The following MALRD1 variants were observed in gnomAD, a reference collection of about 807,000 sequenced individuals.
MALRD1 encodes MAM and LDL receptor class A domain containing 1, also known as MAM and LDL-receptor class A domain-containing protein 1.
MALRD1 carries 247 observed loss-of-function variants against 242.1 expected under a neutral mutation model. The observed-to-expected ratio is 1.02, with a 90% CI of 0.92 to 1.13. The LOEUF (loss-of-function observed/expected upper bound fraction) is 1.13, where lower values mean the gene tolerates loss of function less well. MALRD1 is among the 50% of genes most tolerant of loss of function. MALRD1 has a pLI of 0.00. For missense variants in MALRD1, 2,989 were observed against 2,533.1 expected (o/e 1.18, Z -3.86); for synonymous variants, 995 against 866.6 (o/e 1.15, Z -2.60).
At chr10:19,238,264 T>A (rs184142148) in intron 18 of MALRD1, among the ~76,000 whole-genome samples, 1 of 66,058 alleles carries the variant, frequency 1.5e-5, no homozygotes, top group African/African-American at 5.7e-5. Context: ...ATAATATATA[T>A]TATATATAAT....
At chr10:19,253,583 T>A (rs900877770) in intron 18 of MALRD1, among the ~76,000 whole-genome samples, 1 of 151,916 alleles carries the variant, frequency 6.6e-6, no homozygotes, top group Non-Finnish European at 1.5e-5. Context: ...TGTATACACA[T>A]CTTTCACAGC....
At chr10:19,354,815 T>C (rs1388561601) in intron 26 of MALRD1, among the ~76,000 whole-genome samples, 3 of 152,172 alleles carry the variant, frequency 2.0e-5, no homozygotes, top group Non-Finnish European at 4.4e-5. Context: ...ATTACCCTGA[T>C]TTGATCATTA....
At chr10:19,660,328 T>C (rs1841369298) in intron 36 of MALRD1, among the ~76,000 whole-genome samples, 1 of 152,206 alleles carries the variant, frequency 6.6e-6, no homozygotes, top group African/African-American at 2.4e-5. Context: ...CACAATTTAA[T>C]TGAAAATGTG....
chr10:19,059,699 C>T (rs561378751), intron 1 of MALRD1, among the ~76,000 whole-genome samples: 1 of 151,608 alleles, frequency 6.6e-6, no homozygotes, highest in East Asian at 1.9e-4. Flanking sequence ...CCCTCTGCAT[C>T]TATTTTTTTT....
chr10:19,384,800 A>G (rs1846010202), intron 26 of MALRD1, among the ~76,000 whole-genome samples: 1 of 149,066 alleles, frequency 6.7e-6, no homozygotes, highest in African/African-American at 2.5e-5. Flanking sequence ...TACTAGTACT[A>G]GTTTGAATAG....
chr10:19,549,761 A>C (rs1263750567), intron 32 of MALRD1, among the ~76,000 whole-genome samples: 1 of 152,206 alleles, frequency 6.6e-6, no homozygotes, highest in East Asian at 1.9e-4. Context: ...CTGCTGATTA[A>C]TGTCTTTCAT....
intron 28 of MALRD1, among the ~76,000 whole-genome samples, chr10:19,441,805 G>A (rs556385694): frequency 3.7e-5 from 4 of 107,744 alleles, no homozygotes; most frequent in African/African-American, 1.0e-4. Context: ...GGATTGTCTT[G>A]ACAATGTGGG....
At position 19,688,741 on chromosome 10, in the gene MALRD1, T is replaced by C. The variant is rs77748474; in HGVS notation, c.6138-3541T>C. On this transcript the variant is annotated intron_variant, in intron 36 of 39. Coordinates refer to ENST00000454679, the MANE Select transcript of MALRD1 (RefSeq NM_001142308.3). ...GAATGGGTGGAACTTCAACACACCG[T>C]TCTAGCATGTGATTAACGCTGTTCT... 4.2e-4 allele frequency among the ~76,000 whole-genome samples: 64 copies of C among 152,330 alleles called. 2 individuals are homozygous for C. In the East Asian group the frequency reaches 0.012, roughly 28 times the overall value.
intron 6 of MALRD1, 32 bp downstream of exon 6, chr10:19,123,625 G>A (rs1837146890): frequency 8.6e-7 from 1 of 1,158,040 alleles, no homozygotes; most frequent in Admixed American, 4.2e-5. Context: ...TCACTTTTCT[G>A]GTATATATGC....
chr10:19,239,203 C>T (rs1386120558), intron 18 of MALRD1, among the ~76,000 whole-genome samples: 3 of 151,818 alleles, frequency 2.0e-5, no homozygotes, highest in African/African-American at 7.3e-5. Flanking sequence ...GGGTTACAGG[C>T]ACACGCCATC....
intron 33 of MALRD1, among the ~76,000 whole-genome samples, chr10:19,585,411 G>A (rs931384659): frequency 6.6e-6 from 1 of 151,682 alleles, no homozygotes; most frequent in African/African-American, 2.4e-5. Context: ...GCTCTTTTAG[G>A]GCAGGCCTGG....
chr10:19,383,485 A>G (rs1057364764), intron 26 of MALRD1, among the ~76,000 whole-genome samples: 10 of 152,022 alleles, frequency 6.6e-5, no homozygotes, highest in African/African-American at 1.9e-4. Flanking sequence ...TGTCTTTGCT[A>G]TTCTGGATAG....
chr10:19,262,297 C>G (rs1839784176), intron 19 of MALRD1, among the ~76,000 whole-genome samples: 1 of 151,958 alleles, frequency 6.6e-6, no homozygotes, highest in African/African-American at 2.4e-5. Flanking sequence ...TTAGCACAAT[C>G]AAACTATTAG....
chr10:19,702,795 A>T (rs1018790097), intron 38 of MALRD1, among the ~76,000 whole-genome samples: 7 of 152,154 alleles, frequency 4.6e-5, no homozygotes, highest in Non-Finnish European at 7.3e-5. Flanking sequence ...GATACACAGA[A>T]CTTCATGTAA....
chr10:19,335,145 G>A (rs1399741947), intron 24 of MALRD1, among the ~76,000 whole-genome samples: 1 of 150,066 alleles, frequency 6.7e-6, no homozygotes, highest in Non-Finnish European at 1.5e-5. Context: ...GTATCAGAAG[G>A]TGCTTTTTGG....
intron 27 of MALRD1, chr10:19,389,211 T>G (rs1043102104): frequency 3.3e-6 from 2 of 610,694 alleles, no homozygotes; most frequent in East Asian, 3.4e-5. Flanking sequence ...GGCATAAATA[T>G]CCCATCAGAT....
chr10:19,392,974 A>G (rs964561874), intron 28 of MALRD1, among the ~76,000 whole-genome samples: 4 of 152,148 alleles, frequency 2.6e-5, no homozygotes, highest in East Asian at 1.9e-4. Context: ...CCACTCCTTC[A>G]TTTTATGAGT....
intron 14 of MALRD1, among the ~76,000 whole-genome samples, chr10:19,184,588 G>T (rs990394996): frequency 6.6e-6 from 1 of 152,110 alleles, no homozygotes; most frequent in African/African-American, 2.4e-5. Context: ...TTGGTCTGTT[G>T]CCCAGGCTGG....
chr10:19,173,101 T>A (rs1835081821), intron 13 of MALRD1, among the ~76,000 whole-genome samples: 1 of 152,046 alleles, frequency 6.6e-6, no homozygotes, highest in South Asian at 2.1e-4. Context: ...GATTTTATCT[T>A]GAGTATCTTT....
Sources: allele counts gnomAD v4.1 joint callset (sites outside exome capture counted in the v4.1 genomes callset), GRCh38; gene constraint gnomAD v4.1.1; transcripts MANE v1.5; gene names NCBI Gene and HGNC (gene_info 2026-07-23, HGNC 2026-07-21).